Variants in ECPAS observed in about 807,000 individuals in gnomAD.
ECPAS encodes Ecm29 proteasome adaptor and scaffold.
In ECPAS, 70 loss-of-function variants were observed where a neutral mutation model predicts 255.1. The ratio of observed to expected loss-of-function variants is 0.27; its 90% CI spans 0.23 to 0.33. The LOEUF (loss-of-function observed/expected upper bound fraction) is 0.33, where lower values mean the gene tolerates loss of function less well. Among genes scored for constraint, ECPAS ranks in the 10% least tolerant of loss-of-function variants. The pLI is 1.00. For missense variants in ECPAS, 1,817 were observed against 2,206.4 expected, an observed-to-expected ratio of 0.82 and a Z score of 3.54; for synonymous variants, 784 against 775.0, an observed-to-expected ratio of 1.01 and a Z score of -0.19.
intron 35 of ECPAS, among the ~76,000 whole-genome samples, 193 bp from the exon 36 acceptor site, chr9:111,378,923 T>C (rs555142497): frequency 6.6e-6 from 1 of 152,322 alleles, no homozygotes; most frequent in South Asian, 2.1e-4. Flanking sequence ...GTAGGTAGAA[T>C]GATAAATGAA....
intron 2 of ECPAS, among the ~76,000 whole-genome samples, chr9:111,464,270 CAAAAAAA>C (rs200787710): frequency 8.0e-6 from 1 of 124,246 alleles, no homozygotes. Context: ...CCATCTCTAC[CAAAAAAA>C]AAAAAAAAAA....
chr9:111,407,428 A>AAAAAAAAC, intron 24 of ECPAS, among the ~76,000 whole-genome samples: 1 of 98,824 alleles, frequency 1.0e-5, no homozygotes, highest in African/African-American at 3.0e-5. Flanking sequence ...AAAAAAAAAA[A>AAAAAAAAC]AAAAAAAAAA....
chr9:111,375,359 A>T (rs1374808127), intron 37 of ECPAS, among the ~76,000 whole-genome samples, 157 bp from the exon 38 acceptor site: 1 of 152,222 alleles, frequency 6.6e-6, no homozygotes. Flanking sequence ...TATTAAAACC[A>T]CTATTGTACT....
chr9:111,397,136 A>C lies in ECPAS; in HGVS notation c.2670T>G (p.Leu890=). Residue 890 remains leucine, a synonymous_variant, in exon 25 of 50, where the codon CTT becomes CTG. Coordinates refer to ENST00000684092, the MANE Select transcript of ECPAS (RefSeq NM_001364929.1). The part of the protein sequence containing the change: ...MDSVEAKQIE[L]QFTIGEAITS... ...TAATGGCTTCGCCAATAGTGAACTG[A>C]AGTTCTATCTGCTTGGCCTGCAACG... The C allele has an allele frequency of 6.2e-7, 1 of 1,613,876 alleles. No homozygotes were observed. Among genetic ancestry groups the C allele is most frequent in the East Asian group, 2.2e-5 (1 of 44,874 alleles).
chr9:111,462,112 A>C (rs1300685646), intron 2 of ECPAS, among the ~76,000 whole-genome samples: 1 of 152,252 alleles, frequency 6.6e-6, no homozygotes, highest in Non-Finnish European at 1.5e-5. Context: ...GATGGATCAT[A>C]AATCTAAATG....
At chr9:111,421,886 A>G (rs1445276990) in intron 15 of ECPAS, 35 bp downstream of exon 15, 6 of 1,602,336 alleles carry the variant, frequency 3.7e-6, no homozygotes, top group Non-Finnish European at 4.2e-6. Context: ...TGTAAACCGT[A>G]TACTACCCAG....
chr9:111,474,562 C>T (rs2132097936), intron 1 of ECPAS, among the ~76,000 whole-genome samples: 1 of 152,250 alleles, frequency 6.6e-6, no homozygotes. Context: ...GTTACCCGTA[C>T]AAAACAGACC....
chr9:111,423,292 A>C, intron 12 of ECPAS, 44 bp from the exon 13 acceptor site: 1 of 1,339,444 alleles, frequency 7.5e-7, no homozygotes, highest in Non-Finnish European at 1.0e-6. Flanking sequence ...AGAACAAAAA[A>C]CAGACAAAAC....
At chr9:111,373,839 A>C in intron 39 of ECPAS, 133 bp downstream of exon 39, 1 of 665,274 alleles carries the variant, frequency 1.5e-6, no homozygotes, top group Non-Finnish European at 2.7e-6. Context: ...TGAAGGAGTC[A>C]GGGGACTGAG....
chr9:111,394,030 T>G (rs933901731), intron 26 of ECPAS, 130 bp downstream of exon 26: 9 of 942,640 alleles, frequency 9.5e-6, no homozygotes, highest in Non-Finnish European at 1.4e-5. Context: ...GCCACCATCC[T>G]TCATTCCTTC....
rs1363138826 is a variant in ECPAS at position 111,415,250 on chromosome 9, TGTGA to T, written c.1765-603_1765-600del. On this transcript the variant is annotated intron_variant, in intron 18 of 49. Transcript: ENST00000684092. ...AGCCGTGTGTGTGTGTGTGTGTGTG[TGTGA>T]GAGAGAGAGAAAGACAGAGAGAGAG... Among the ~76,000 whole-genome samples, 3 of 133,368 alleles carry T rather than the reference TGTGA, an allele frequency of 2.2e-5. No individual in the cohort carries two copies. The East Asian group carries it at 6.5e-4, about 29-fold the overall frequency. 87.5% of individuals were successfully genotyped at this position (133,368 alleles called of 152,430 possible).
At position 111,397,037 on chromosome 9, in the gene ECPAS, TGGA is replaced by T; in HGVS notation, c.2766_2768del (p.Pro924del). ...TAGCTGAATATTTGGTACCAGCAGG[TGGA>T]GTATATTCCTCTTCAGTCATTTGCC... On this transcript the variant is annotated inframe_deletion, in exon 25 of 50. Transcript: ENST00000684092. The T allele has an allele frequency of 6.2e-7, 1 of 1,613,954 alleles. No homozygotes were observed.
At chr9:111,416,120 C>CT (rs929706108) in intron 18 of ECPAS, among the ~76,000 whole-genome samples, 152 bp downstream of exon 18, 2 of 151,762 alleles carry the variant, frequency 1.3e-5, no homozygotes, top group Admixed American at 6.6e-5. Flanking sequence ...TTTCCCAATA[C>CT]TTTTTTTTTA....
chr9:111,371,961 A>C, intron 42 of ECPAS, 132 bp from the exon 43 acceptor site: 14 of 670,816 alleles, frequency 2.1e-5, no homozygotes, highest in Non-Finnish European at 3.5e-5. Flanking sequence ...CCACTCTCTC[A>C]AAGGGAGAGA....
chr9:111,407,780 T>C (rs2098187453), intron 24 of ECPAS, among the ~76,000 whole-genome samples: 1 of 152,228 alleles, frequency 6.6e-6, no homozygotes, highest in South Asian at 2.1e-4. Flanking sequence ...TTCATCCGGT[T>C]ACTTAGTCTG....
At chr9:111,446,283 C>T (rs1223116270) in intron 3 of ECPAS, among the ~76,000 whole-genome samples, 8 of 152,294 alleles carry the variant, frequency 5.3e-5, no homozygotes, top group Non-Finnish European at 2.9e-5. Context: ...AGGCTCATAT[C>T]AAATGGCCTC....
chr9:111,384,859 A>T (rs1434097392), intron 33 of ECPAS, among the ~76,000 whole-genome samples: 1 of 152,226 alleles, frequency 6.6e-6, no homozygotes, highest in Non-Finnish European at 1.5e-5. Context: ...ATACATAAAG[A>T]TCTATGTGAG....
At chr9:111,483,598 G>T (rs1404903935) in intron 1 of ECPAS, 1 of 436,562 alleles carries the variant, frequency 2.3e-6, no homozygotes, top group African/African-American at 2.2e-5. Context: ...GCGGCCGGGG[G>T]GCTCGCGGCT....
At chr9:111,394,032 C>T in intron 26 of ECPAS, 128 bp downstream of exon 26, 1 of 948,946 alleles carries the variant, frequency 1.1e-6, no homozygotes, top group Non-Finnish European at 1.5e-6. Flanking sequence ...CACCATCCTT[C>T]ATTCCTTCAT....
Sources: gnomAD v4.1 joint callset for allele counts (sites outside exome capture counted in the v4.1 genomes callset) on GRCh38, gnomAD v4.1.1 for gene constraint, MANE v1.5 for transcripts, NCBI Gene and HGNC (gene_info 2026-07-23, HGNC 2026-07-21) for gene names.